WWOX: variants seen among roughly 807,000 people sequenced by gnomAD.
WWOX encodes the protein WW domain containing oxidoreductase, also known as WW domain-containing oxidoreductase.
In WWOX, 69 loss-of-function variants were observed where a neutral mutation model predicts 46.2. That is an observed-to-expected ratio of 1.49 (90% confidence interval 1.23 to 1.82). The LOEUF (loss-of-function observed/expected upper bound fraction) is 1.82. Among genes scored for constraint, WWOX ranks in the 40% most tolerant of loss-of-function variants. WWOX has a pLI of 0.00. For synonymous variants in WWOX, 359 were observed against 202.6 expected, an observed-to-expected ratio of 1.77 and a Z score of -6.56; for missense variants, 919 against 542.6, an observed-to-expected ratio of 1.69 and a Z score of -6.89.
At position 78,143,752 on chromosome 16, in the gene WWOX, G is replaced by GT. The variant is rs200125720; in HGVS notation, c.410-20412dup. On this transcript the variant is annotated intron_variant, in intron 4 of 8. Coordinates refer to ENST00000566780, the MANE Select transcript of WWOX (RefSeq NM_016373.4). ...CTCATTCCTCTAAAAGAATTGGTAT[G>GT]TTTTTTTTTTTTTTTTTTTGGTGGT... Among the ~76,000 whole-genome samples, 378 of 120,204 alleles carry GT rather than the reference G, an allele frequency of 3.1e-3. 2 individuals carry two copies. The highest frequency in any genetic ancestry group is 0.015 in the Middle Eastern group (3 of 196). The allele number at this position is 120,204 out of a possible 152,430, so 78.9% of individuals were successfully genotyped here.
intron 8 of WWOX, among the ~76,000 whole-genome samples, chr16:79,051,041 A>T (rs776391506): frequency 6.6e-6 from 1 of 152,224 alleles, no homozygotes; most frequent in Non-Finnish European, 1.5e-5. Flanking sequence ...TTATAGCAGG[A>T]TTATTCCCAA....
intron 8 of WWOX, among the ~76,000 whole-genome samples, chr16:78,701,775 G>C (rs1386807520): frequency 1.3e-5 from 2 of 151,842 alleles, no homozygotes; most frequent in Non-Finnish European, 2.9e-5. Flanking sequence ...CCCTTGCTCT[G>C]AGATGCAGTC....
chr16:78,133,582 G>C (rs931577307), intron 4 of WWOX, among the ~76,000 whole-genome samples: 2 of 152,130 alleles, frequency 1.3e-5, no homozygotes, highest in African/African-American at 4.8e-5. Flanking sequence ...TTTTAGTAGA[G>C]ATGGGGTTTC....
chr16:79,007,171 A>T (rs2047208001), intron 8 of WWOX, among the ~76,000 whole-genome samples: 2 of 152,168 alleles, frequency 1.3e-5, no homozygotes, highest in Admixed American at 1.3e-4. Flanking sequence ...AGTGAGGGTG[A>T]AGGGCGTTGA....
chr16:78,413,257 CT>C (rs1192943913), intron 6 of WWOX, among the ~76,000 whole-genome samples: 1 of 152,104 alleles, frequency 6.6e-6, no homozygotes, highest in East Asian at 1.9e-4. Context: ...AGTGAGTGAT[CT>C]GGGAGTGCTG....
intron 8 of WWOX, among the ~76,000 whole-genome samples, chr16:78,983,360 C>G (rs1186501725): frequency 6.6e-6 from 1 of 152,154 alleles, no homozygotes; most frequent in Non-Finnish European, 1.5e-5. Flanking sequence ...GGTGTTCTTT[C>G]TTAAGTTGAG....
At chr16:78,648,352 A>T (rs2046891276) in intron 8 of WWOX, among the ~76,000 whole-genome samples, 1 of 151,920 alleles carries the variant, frequency 6.6e-6, no homozygotes, top group Non-Finnish European at 1.5e-5. Flanking sequence ...ATCAGGAGCC[A>T]GCCGGCTCCC....
intron 5 of WWOX, among the ~76,000 whole-genome samples, chr16:78,371,113 T>C (rs915225913): frequency 6.6e-6 from 1 of 152,074 alleles, no homozygotes; most frequent in East Asian, 1.9e-4. Flanking sequence ...AACATGATCT[T>C]TGACATACCT....
intron 8 of WWOX, chr16:78,525,346 C>T (rs11648922): frequency 0.079 from 11,940 of 151,902 alleles, 628 homozygotes; most frequent in East Asian, 0.19. Flanking sequence ...CCACCACGCC[C>T]GGCTAATTTT....
intron 8 of WWOX, among the ~76,000 whole-genome samples, chr16:78,911,046 C>A (rs541804636): frequency 6.6e-6 from 1 of 151,384 alleles, no homozygotes; most frequent in African/African-American, 2.4e-5. Flanking sequence ...TTTCCCACAG[C>A]CTGTCGACTT....
intron 8 of WWOX, among the ~76,000 whole-genome samples, chr16:79,177,592 T>TG (rs2050826234): frequency 6.6e-6 from 1 of 151,624 alleles, no homozygotes; most frequent in Admixed American, 6.6e-5. Flanking sequence ...GGTGATGGAG[T>TG]GGGGGAAAAA....
chr16:78,656,913 G>A (rs979670829), intron 8 of WWOX, among the ~76,000 whole-genome samples: 3 of 152,190 alleles, frequency 2.0e-5, no homozygotes, highest in African/African-American at 4.8e-5. Context: ...AGGGAAGGCT[G>A]TCGATACACC....
intron 8 of WWOX, among the ~76,000 whole-genome samples, chr16:78,893,204 A>AT (rs1378617654): frequency 6.6e-6 from 1 of 151,976 alleles, no homozygotes. Flanking sequence ...AAAAAAAAAA[A>AT]AGTGGGGATG....
chr16:78,359,911 T>C, intron 5 of WWOX, among the ~76,000 whole-genome samples: 1 of 152,242 alleles, frequency 6.6e-6, no homozygotes, highest in East Asian at 1.9e-4. Flanking sequence ...TGGAAGATTG[T>C]TAGTTTTCTG....
intron 8 of WWOX, among the ~76,000 whole-genome samples, chr16:78,559,469 C>T (rs911020333): frequency 2.7e-5 from 4 of 150,522 alleles, no homozygotes; most frequent in Admixed American, 2.0e-4. Context: ...TGTTCTCCAG[C>T]CAATGGATTT....
At chr16:78,528,960 C>CTT (rs371609463) in intron 8 of WWOX, among the ~76,000 whole-genome samples, 3 of 126,840 alleles carry the variant, frequency 2.4e-5, no homozygotes, top group African/African-American at 3.0e-5. Flanking sequence ...TTCTTTCTTT[C>CTT]TTTTTTTTTT....
intron 8 of WWOX, among the ~76,000 whole-genome samples, chr16:78,501,030 G>C (rs1458062470): frequency 6.6e-6 from 1 of 152,108 alleles, no homozygotes; most frequent in African/African-American, 2.4e-5. Context: ...AGGTGGAGGA[G>C]GCTATTATTC....
chr16:78,166,767 C>T (rs8055883), intron 5 of WWOX: 13,139 of 151,966 alleles, frequency 0.086, 654 homozygotes, highest in Non-Finnish European at 0.12. Context: ...CCATGTTGGC[C>T]GGGATAGTCT....
chr16:78,627,430 G>A (rs7191880), intron 8 of WWOX, among the ~76,000 whole-genome samples: 23,328 of 152,032 alleles, frequency 0.15, 2,169 homozygotes, highest in African/African-American at 0.25. Flanking sequence ...TATGACAAGG[G>A]GTTTTCTGTG....
Sources: gnomAD v4.1 joint callset for allele counts (sites outside exome capture counted in the v4.1 genomes callset) on GRCh38, gnomAD v4.1.1 for gene constraint, MANE v1.5 for transcripts, NCBI Gene and HGNC (gene_info 2026-07-23, HGNC 2026-07-21) for gene names.